The following ALCAM variants were observed in gnomAD, a reference collection of about 807,000 sequenced individuals.
The protein encoded by ALCAM is activated leukocyte cell adhesion molecule.
In ALCAM, 30 loss-of-function variants were observed where a neutral mutation model predicts 70.9. The observed-to-expected ratio is 0.42, with a 90% CI of 0.32 to 0.57. The LOEUF (loss-of-function observed/expected upper bound fraction) is 0.57, where lower values mean the gene tolerates loss of function less well. ALCAM is among the 20% of genes least tolerant of loss of function. ALCAM has a pLI of 0.11. For synonymous variants in ALCAM, 249 were observed against 242.5 expected (o/e 1.03, Z -0.25); for missense variants, 591 against 695.1 (o/e 0.85, Z 1.68).
intron 3 of ALCAM, among the ~76,000 whole-genome samples, chr3:105,527,564 A>G (rs896144688): frequency 3.9e-5 from 6 of 152,012 alleles, no homozygotes; most frequent in Non-Finnish European, 1.5e-5. Flanking sequence ...GTCTATTTCA[A>G]CATTTCAAAG....
intron 1 of ALCAM, among the ~76,000 whole-genome samples, chr3:105,414,833 C>G (rs539343779): frequency 1.3e-5 from 2 of 151,854 alleles, no homozygotes; most frequent in Non-Finnish European, 2.9e-5. Context: ...GGCTTTTGAC[C>G]AAGGAAATGA....
chr3:105,560,037 G>T (rs1465443960), intron 14 of ALCAM, among the ~76,000 whole-genome samples: 2 of 152,066 alleles, frequency 1.3e-5, no homozygotes, highest in Non-Finnish European at 2.9e-5. Context: ...TATACAAGTG[G>T]TTTTTGCAGA....
chr3:105,455,860 C>A lies in ALCAM; in HGVS notation c.74-64207C>A, dbSNP rs138476612. On this transcript the variant is annotated intron_variant, in intron 1 of 15. Coordinates refer to ENST00000306107, the MANE Select transcript of ALCAM (RefSeq NM_001627.4). ...ATCCTAGCACTTTGGAAGGCCAAGG[C>A]AGGCAGATCACTTGAGGCCAGGAGT... 3.0e-3 allele frequency among the ~76,000 whole-genome samples: 463 copies of A among 152,286 alleles called. 3 individuals are homozygous for A. Among genetic ancestry groups the A allele is most frequent in the African/African-American group, 0.01 (429 of 41,550 alleles).
chr3:105,417,908 G>A (rs1936545426), intron 1 of ALCAM, among the ~76,000 whole-genome samples: 1 of 151,456 alleles, frequency 6.6e-6, no homozygotes, highest in Non-Finnish European at 1.5e-5. Context: ...TAGAAATGGA[G>A]GACTTACTGC....
intron 4 of ALCAM, among the ~76,000 whole-genome samples, chr3:105,533,384 A>C (rs1939889949): frequency 6.6e-6 from 1 of 152,190 alleles, no homozygotes; most frequent in Admixed American, 6.5e-5. Flanking sequence ...TGCACATTTA[A>C]AAATCGTCAA....
At chr3:105,408,924 T>C (rs1446165300) in intron 1 of ALCAM, among the ~76,000 whole-genome samples, 2 of 151,958 alleles carry the variant, frequency 1.3e-5, no homozygotes, top group Non-Finnish European at 2.9e-5. Flanking sequence ...AGATGTACAA[T>C]TGACCAATGA....
At chr3:105,401,365 G>A (rs527786797) in intron 1 of ALCAM, among the ~76,000 whole-genome samples, 37 of 152,248 alleles carry the variant, frequency 2.4e-4, no homozygotes, top group Middle Eastern at 6.8e-3. Context: ...TTTCCTTAGG[G>A]GCTGAGACAC....
Position 105,367,440 on chromosome 3 carries a change from T to A in ALCAM, c.32T>A (p.Leu11Gln). Residue 11 changes from leucine (L) to glutamine (Q), a missense_variant, in exon 1 of 16, where the codon CTG becomes CAG. Transcript: ENST00000306107. MESKGASSCR[L>Q]LFCLLISATV... is the part of the protein sequence containing the mutation. ...TCCAAGGGGGCCAGTTCCTGCCGTC[T>A]GCTCTTCTGCCTCTTGATCTCCGCC... The A allele has an allele frequency of 6.2e-7, 1 of 1,614,014 alleles. No individual in the cohort carries two copies. The highest frequency in any genetic ancestry group is 8.5e-7 in the Non-Finnish European group (1 of 1,179,924).
intron 5 of ALCAM, among the ~76,000 whole-genome samples, chr3:105,534,129 G>T (rs1939911327): frequency 6.6e-6 from 1 of 152,044 alleles, no homozygotes; most frequent in Non-Finnish European, 1.5e-5. Context: ...TTCCACAACT[G>T]ATCTGACAGG....
At chr3:105,448,244 TACC>T (rs909827566) in intron 1 of ALCAM, among the ~76,000 whole-genome samples, 4 of 152,232 alleles carry the variant, frequency 2.6e-5, no homozygotes, top group African/African-American at 4.8e-5. Context: ...TATAGATTTT[TACC>T]ACATTTCCAC....
chr3:105,550,605 TG>T (rs1940376788), intron 12 of ALCAM, among the ~76,000 whole-genome samples: 1 of 151,576 alleles, frequency 6.6e-6, no homozygotes, highest in Non-Finnish European at 1.5e-5. Flanking sequence ...AAAACATTTT[TG>T]TAACAGTTTT....
intron 3 of ALCAM, among the ~76,000 whole-genome samples, chr3:105,525,587 C>T (rs182739774): frequency 2.0e-5 from 3 of 152,246 alleles, no homozygotes; most frequent in Admixed American, 2.0e-4. Context: ...GAAGGAAACC[C>T]AGAGGGCCTT....
At chr3:105,473,680 T>C (rs1478692365) in intron 1 of ALCAM, among the ~76,000 whole-genome samples, 2 of 151,596 alleles carry the variant, frequency 1.3e-5, no homozygotes, top group East Asian at 1.9e-4. Flanking sequence ...TCTAGTGAAT[T>C]CCTTTGTTAT....
chr3:105,498,052 A>C (rs1938806926), intron 1 of ALCAM, among the ~76,000 whole-genome samples: 1 of 146,458 alleles, frequency 6.8e-6, no homozygotes, highest in African/African-American at 2.5e-5. Flanking sequence ...AAAAGGGGGG[A>C]AATTGGACTA....
chr3:105,497,006 T>G (rs1028658560), intron 1 of ALCAM, among the ~76,000 whole-genome samples: 15 of 152,132 alleles, frequency 9.9e-5, no homozygotes, highest in Non-Finnish European at 1.9e-4. Flanking sequence ...CTAACTATTC[T>G]TAGCAGGTAA....
intron 1 of ALCAM, among the ~76,000 whole-genome samples, chr3:105,502,019 A>G (rs1938933731): frequency 6.6e-6 from 1 of 152,220 alleles, no homozygotes; most frequent in African/African-American, 2.4e-5. Flanking sequence ...GAAAACTCCA[A>G]CAGCAAATTA....
intron 1 of ALCAM, among the ~76,000 whole-genome samples, chr3:105,394,510 A>G (rs1427247665): frequency 6.6e-6 from 1 of 152,012 alleles, no homozygotes; most frequent in Admixed American, 6.6e-5. Flanking sequence ...ACATTTACCA[A>G]AACTGCAGGG....
intron 1 of ALCAM, among the ~76,000 whole-genome samples, chr3:105,401,769 A>C (rs1035287496): frequency 6.6e-6 from 1 of 152,144 alleles, no homozygotes; most frequent in Non-Finnish European, 1.5e-5. Flanking sequence ...TGTCCATGTG[A>C]CTTAGGTGTT....
At chr3:105,523,014 C>G (rs1044578832) in intron 2 of ALCAM, among the ~76,000 whole-genome samples, 5 of 151,916 alleles carry the variant, frequency 3.3e-5, no homozygotes, top group African/African-American at 1.2e-4. Flanking sequence ...GTGGCGCGTG[C>G]CTGTAGTCCC....
Sources: allele counts gnomAD v4.1 joint callset (sites outside exome capture counted in the v4.1 genomes callset), GRCh38; gene constraint gnomAD v4.1.1; transcripts MANE v1.5; gene names NCBI Gene and HGNC (gene_info 2026-07-23, HGNC 2026-07-21).